PHF24: variants seen among roughly 807,000 people sequenced by gnomAD.
PHF24 encodes the protein PHD finger protein 24, also known as Galpha inhibitory interacting protein.
A neutral mutation model predicts 42.6 loss-of-function variants in PHF24; 25 were observed. The ratio of observed to expected loss-of-function variants is 0.59; its 90% confidence interval spans 0.43 to 0.82. PHF24 has a LOEUF of 0.82. PHF24 is among the 40% of genes least tolerant of loss of function. PHF24 has a pLI of 0.00. For synonymous variants in PHF24, 185 were observed against 204.8 expected (o/e 0.90, Z 0.83); for missense variants, 470 against 538.1 (o/e 0.87, Z 1.25).
chr9:34,925,494 C>T, the PHF24 span, among the ~76,000 whole-genome samples: 3 of 152,050 alleles, frequency 2.0e-5, no homozygotes, highest in African/African-American at 4.8e-5. Flanking sequence ...AATACAAATA[C>T]TTGTTTGCTT....
exon 8 of PHF24, chr9:34,980,794 T>C (rs1202868345): frequency 6.6e-6 from 1 of 152,264 alleles, no homozygotes; most frequent in Non-Finnish European, 1.5e-5. Flanking sequence ...CTTTTCTTTG[T>C]GGCTACCCAA....
At chr9:34,701,012 G>A in the PHF24 span, among the ~76,000 whole-genome samples, 4 of 152,188 alleles carry the variant, frequency 2.6e-5, no homozygotes, top group Admixed American at 6.5e-5. This position sits in a 1 kb window ranked among gnomAD's most constrained non-coding sequence, Gnocchi z 5.8. Flanking sequence ...AGGCATCAGC[G>A]CTACGTGCTT....
At chr9:34,791,575 A>G in the PHF24 span, among the ~76,000 whole-genome samples, 8 of 83,842 alleles carry the variant, frequency 9.5e-5, 1 homozygote, top group Admixed American at 1.1e-3. Context: ...GGGTGTGAAT[A>G]TAGATTTAAA....
chr9:34,781,491 T>C, the PHF24 span, among the ~76,000 whole-genome samples: 13 of 152,116 alleles, frequency 8.5e-5, no homozygotes, highest in Admixed American at 2.6e-4. Context: ...GAGTTTTTGT[T>C]TGGGTTGGTG....
At chr9:34,725,911 G>C in the PHF24 span, 1 of 1,552,024 alleles carries the variant, frequency 6.4e-7, no homozygotes, top group Middle Eastern at 1.7e-4. Context: ...TGGCAACCAG[G>C]GACTCACTGT....
At chr9:34,890,055 G>A in the PHF24 span, among the ~76,000 whole-genome samples, 1 of 152,198 alleles carries the variant, frequency 6.6e-6, no homozygotes, top group African/African-American at 2.4e-5. Context: ...TGAGAGGATG[G>A]AAATGGGGCT....
the PHF24 span, among the ~76,000 whole-genome samples, chr9:34,785,158 G>A: frequency 2.0e-5 from 3 of 152,158 alleles, no homozygotes; most frequent in Admixed American, 6.5e-5. Flanking sequence ...TCTGTTTGGC[G>A]GTGTTTGTTG....
At chr9:34,671,833 A>ATCCG in the PHF24 span, among the ~76,000 whole-genome samples, 50 of 151,896 alleles carry the variant, frequency 3.3e-4, no homozygotes, top group African/African-American at 1.2e-3. Flanking sequence ...CCATCCATCC[A>ATCCG]TCCATCCATC....
At chr9:34,915,234 A>G in the PHF24 span, among the ~76,000 whole-genome samples, 1 of 151,844 alleles carries the variant, frequency 6.6e-6, no homozygotes, top group Non-Finnish European at 1.5e-5. Flanking sequence ...GGGTTTCACC[A>G]GACACATTTA....
At chr9:34,836,069 G>T in the PHF24 span, 1 of 571,386 alleles carries the variant, frequency 1.8e-6, no homozygotes, top group African/African-American at 1.9e-5. Context: ...AGAGAAACAT[G>T]GCAAACATTA....
chr9:34,909,414 C>T, the PHF24 span, among the ~76,000 whole-genome samples: 3 of 151,962 alleles, frequency 2.0e-5, no homozygotes, highest in Non-Finnish European at 2.9e-5. Context: ...TGACATTTCA[C>T]GTGTTCTGCC....
chr9:34,980,346 C>T (rs889562896), exon 8 of PHF24: 1 of 152,262 alleles, frequency 6.6e-6, no homozygotes, highest in African/African-American at 2.4e-5. Flanking sequence ...GGAACAGGCC[C>T]ATTTGGATCA....
chr9:34,735,141 T>C, the PHF24 span, among the ~76,000 whole-genome samples: 15 of 147,716 alleles, frequency 1.0e-4, no homozygotes, highest in South Asian at 2.4e-3. Flanking sequence ...TTCTTTTTTT[T>C]TTTTTTTTTT....
the PHF24 span, among the ~76,000 whole-genome samples, chr9:34,865,181 A>G: frequency 7.3e-6 from 1 of 136,844 alleles, no homozygotes. Flanking sequence ...AAGTTAAGGT[A>G]TAGAGTTTTT....
At chr9:34,886,102 T>G in the PHF24 span, among the ~76,000 whole-genome samples, 5 of 152,084 alleles carry the variant, frequency 3.3e-5, no homozygotes, top group African/African-American at 1.2e-4. Context: ...TTTAGTAAAA[T>G]CCAGCTCCTT....
At chr9:34,715,061 G>A in the PHF24 span, among the ~76,000 whole-genome samples, 1 of 152,026 alleles carries the variant, frequency 6.6e-6, no homozygotes, top group African/African-American at 2.4e-5. Flanking sequence ...GAGATATTGA[G>A]GTCTGTCTGC....
chr9:34,764,664 A>G, the PHF24 span, among the ~76,000 whole-genome samples: 1 of 151,772 alleles, frequency 6.6e-6, no homozygotes, highest in Admixed American at 6.6e-5. Context: ...TGGATTCATT[A>G]ATTTTTTGAA....
chr9:34,922,320 G>C, the PHF24 span: 3 of 1,588,962 alleles, frequency 1.9e-6, no homozygotes, highest in African/African-American at 4.0e-5. Flanking sequence ...ATCAAGTTCA[G>C]CAATGGCTTC....
At chr9:34,709,420 G>A in the PHF24 span, 8 of 1,610,964 alleles carry the variant, frequency 5.0e-6, no homozygotes, top group Non-Finnish European at 6.8e-6. Flanking sequence ...GTCTGTGACC[G>A]CTCAGTCCTG....
Sources: gnomAD v4.1 joint callset for allele counts (sites outside exome capture counted in the v4.1 genomes callset) on GRCh38, gnomAD v4.1.1 for gene constraint, Gnocchi (gnomAD v3.1) non-coding constraint, MANE v1.5 for transcripts, NCBI Gene and HGNC (gene_info 2026-07-23, HGNC 2026-07-21) for gene names.